Variants in IMMP1L observed in about 807,000 individuals in gnomAD.
IMMP1L encodes the protein mitochondrial inner membrane protease subunit 1.
A neutral mutation model predicts 21.8 loss-of-function variants in IMMP1L; 24 were observed. The observed-to-expected ratio is 1.10, with a 90% CI of 0.80 to 1.55. The LOEUF is 1.55. Among genes scored for constraint, IMMP1L ranks in the 40% most tolerant of loss-of-function variants. IMMP1L has a pLI of 0.00. For synonymous variants in IMMP1L, 46 were observed against 62.8 expected, an observed-to-expected ratio of 0.73 and a Z score of 1.26; for missense variants, 195 against 200.7, an observed-to-expected ratio of 0.97 and a Z score of 0.17.
At chr11:31,471,917 G>A (rs557032513) in intron 1 of IMMP1L, among the ~76,000 whole-genome samples, 14 of 152,264 alleles carry the variant, frequency 9.2e-5, no homozygotes, top group Admixed American at 7.8e-4. Context: ...CTTTCTAAAG[G>A]CTTTAGGGGA....
chr11:31,485,948 A>G (rs543290165), intron 1 of IMMP1L, among the ~76,000 whole-genome samples: 1 of 152,026 alleles, frequency 6.6e-6, no homozygotes, highest in African/African-American at 2.4e-5. Context: ...AAGTACTCAA[A>G]GTAAAACTTC....
At position 31,474,670 on chromosome 11, in the gene IMMP1L, G is replaced by T. The variant is rs989925162; in HGVS notation, c.-29-11365C>A. ...ACTGCACTCCAGCCTGGGCAATAAA[G>T]CAAGACCCTGTCTCAAAAAGAATTA... On this transcript the variant is annotated intron_variant, in intron 1 of 5. Transcript: ENST00000532287. Among the ~76,000 whole-genome samples the T allele has an allele frequency of 2.2e-4, 34 of 152,006 alleles. 2 individuals carry two copies. The highest frequency in any genetic ancestry group is 1.2e-4 in the Non-Finnish European group (8 of 68,000).
chr11:31,481,612 A>C (rs1954892717), intron 1 of IMMP1L, among the ~76,000 whole-genome samples: 1 of 151,972 alleles, frequency 6.6e-6, no homozygotes. Context: ...GGCATGAAAA[A>C]ACACTTTTCT....
At chr11:31,436,313 T>A (rs1186837518) in intron 4 of IMMP1L, among the ~76,000 whole-genome samples, 1 of 152,238 alleles carries the variant, frequency 6.6e-6, no homozygotes, top group African/African-American at 2.4e-5. Context: ...AGATATTTGC[T>A]GGTGGTTAAA....
At chr11:31,450,720 ATCT>A (rs1423720057) in intron 4 of IMMP1L, among the ~76,000 whole-genome samples, 1 of 152,200 alleles carries the variant, frequency 6.6e-6, no homozygotes, top group Non-Finnish European at 1.5e-5. Flanking sequence ...CTCCATGAAC[ATCT>A]TCTGAGAAGT....
intron 4 of IMMP1L, among the ~76,000 whole-genome samples, chr11:31,448,404 A>G (rs1953614397): frequency 6.6e-6 from 1 of 152,214 alleles, no homozygotes. Context: ...CAGAGTTTGG[A>G]GTCTGGTTCA....
chr11:31,466,660 G>A (rs1305434209), intron 1 of IMMP1L, among the ~76,000 whole-genome samples: 1 of 152,024 alleles, frequency 6.6e-6, no homozygotes, highest in African/African-American at 2.4e-5. Flanking sequence ...TCTGGCACAG[G>A]AAGAAAAATA....
At chr11:31,439,403 A>G (rs1564966795) in intron 4 of IMMP1L, among the ~76,000 whole-genome samples, 1 of 152,166 alleles carries the variant, frequency 6.6e-6, no homozygotes, top group African/African-American at 2.4e-5. Flanking sequence ...CTTAAGCTCT[A>G]AAAATTACAT....
intron 1 of IMMP1L, among the ~76,000 whole-genome samples, chr11:31,507,474 G>A (rs1289366576): frequency 6.6e-6 from 1 of 152,150 alleles, no homozygotes; most frequent in Non-Finnish European, 1.5e-5. Context: ...GAAATCTAAA[G>A]GGTTAAGTAA....
At chr11:31,489,855 T>C (rs909793432) in intron 1 of IMMP1L, among the ~76,000 whole-genome samples, 1 of 152,204 alleles carries the variant, frequency 6.6e-6, no homozygotes, top group Non-Finnish European at 1.5e-5. Context: ...ATGTTTGATC[T>C]CAAAAATCTT....
intron 1 of IMMP1L, among the ~76,000 whole-genome samples, chr11:31,475,580 A>C (rs1954698140): frequency 6.6e-6 from 1 of 152,070 alleles, no homozygotes; most frequent in South Asian, 2.1e-4. Context: ...CTTTCTAAAA[A>C]ATTTCTTCTC....
intron 1 of IMMP1L, among the ~76,000 whole-genome samples, chr11:31,482,533 G>A (rs1954930577): frequency 6.6e-6 from 1 of 151,906 alleles, no homozygotes; most frequent in African/African-American, 2.4e-5. Flanking sequence ...AGAAAAGTGG[G>A]CCAAAGAAGT....
intron 3 of IMMP1L, among the ~76,000 whole-genome samples, chr11:31,457,438 T>A (rs1201302675): frequency 6.6e-6 from 1 of 152,226 alleles, no homozygotes. Context: ...TTCTGTTGAC[T>A]AACACACGTT....
chr11:31,462,975 G>T (rs186015510), intron 2 of IMMP1L, among the ~76,000 whole-genome samples, 197 bp downstream of exon 2: 1 of 152,008 alleles, frequency 6.6e-6, no homozygotes, highest in African/African-American at 2.4e-5. Context: ...TTAAGTAATG[G>T]TCCTTATACC....
chr11:31,477,935 T>A (rs962145733), intron 1 of IMMP1L, among the ~76,000 whole-genome samples: 1 of 152,308 alleles, frequency 6.6e-6, no homozygotes, highest in Non-Finnish European at 1.5e-5. Context: ...AGGGACCTCA[T>A]GTTGGTCTTG....
chr11:31,452,810 G>T, intron 4 of IMMP1L: 1 of 933,906 alleles, frequency 1.1e-6, no homozygotes, highest in Non-Finnish European at 1.3e-6. Flanking sequence ...CAGTGCAGTG[G>T]CGCGATCTCG....
intron 4 of IMMP1L, among the ~76,000 whole-genome samples, chr11:31,434,490 G>T (rs192783796): frequency 1.3e-5 from 2 of 152,132 alleles, no homozygotes; most frequent in Admixed American, 1.3e-4. Context: ...AGACCAAAAT[G>T]ATCTATGTAT....
intron 1 of IMMP1L, among the ~76,000 whole-genome samples, chr11:31,487,511 A>G (rs530653871): frequency 3.3e-5 from 5 of 152,172 alleles, no homozygotes; most frequent in African/African-American, 9.6e-5. Flanking sequence ...GTCTATGCAT[A>G]CAACATGAAG....
At chr11:31,468,631 G>C (rs1234981965) in intron 1 of IMMP1L, among the ~76,000 whole-genome samples, 2 of 152,042 alleles carry the variant, frequency 1.3e-5, no homozygotes, top group Non-Finnish European at 2.9e-5. Context: ...ACTGTGTTCA[G>C]CCCTGGGAAT....
Sources: gnomAD v4.1 joint callset for allele counts (sites outside exome capture counted in the v4.1 genomes callset) on GRCh38, gnomAD v4.1.1 for gene constraint, MANE v1.5 for transcripts, NCBI Gene and HGNC (gene_info 2026-07-23, HGNC 2026-07-21) for gene names.